Variants in TACR1 observed in about 807,000 individuals in gnomAD.
TACR1 encodes the protein tachykinin receptor 1.
A neutral mutation model predicts 35.8 loss-of-function variants in TACR1; 25 were observed. That is an observed-to-expected ratio of 0.70 (90% CI 0.51 to 0.98). The LOEUF (loss-of-function observed/expected upper bound fraction) is 0.98, where lower values mean the gene tolerates loss of function less well. Ranked by LOEUF, TACR1 falls within the 50% of genes least tolerant of loss-of-function variation. TACR1 has a pLI of 0.00. For missense variants in TACR1, 478 were observed against 522.9 expected (o/e 0.91, Z 0.84); for synonymous variants, 195 against 206.7 (o/e 0.94, Z 0.48).
chr2:75,179,542 G>C (rs1195380674), intron 1 of TACR1, among the ~76,000 whole-genome samples: 1 of 152,188 alleles, frequency 6.6e-6, no homozygotes, highest in Non-Finnish European at 1.5e-5. Context: ...AGCTTATCTT[G>C]TGGTGGTAGA....
intron 1 of TACR1, among the ~76,000 whole-genome samples, chr2:75,180,445 C>T (rs1572984649): frequency 6.6e-6 from 1 of 152,134 alleles, no homozygotes; most frequent in African/African-American, 2.4e-5. Flanking sequence ...AATATAGCTC[C>T]CCTACATTAA....
At chr2:75,143,755 G>T (rs1674454341) in intron 1 of TACR1, among the ~76,000 whole-genome samples, 1 of 152,170 alleles carries the variant, frequency 6.6e-6, no homozygotes, top group African/African-American at 2.4e-5. Context: ...ATAGTATTTG[G>T]ACCCAAGGAG....
intron 2 of TACR1, among the ~76,000 whole-genome samples, chr2:75,069,944 A>G (rs1454319288): frequency 6.7e-6 from 1 of 149,176 alleles, no homozygotes; most frequent in Non-Finnish European, 1.5e-5. Flanking sequence ...GAAGCAAGAC[A>G]CCATGTGCTG....
At chr2:75,174,461 C>T (rs984172049) in intron 1 of TACR1, among the ~76,000 whole-genome samples, 2 of 152,292 alleles carry the variant, frequency 1.3e-5, no homozygotes, top group African/African-American at 2.4e-5. Context: ...TGATGATTTA[C>T]GTCCTGGGTG....
chr2:75,189,244 C>G (rs542334843), intron 1 of TACR1: 2 of 152,294 alleles, frequency 1.3e-5, no homozygotes, highest in Non-Finnish European at 2.9e-5. Context: ...GCTCAGGTAT[C>G]GAGATGCAGC....
At chr2:75,121,757 ATATCT>A (rs1443082474) in intron 1 of TACR1, among the ~76,000 whole-genome samples, 55 of 152,212 alleles carry the variant, frequency 3.6e-4, no homozygotes, top group Admixed American at 3.1e-3. Context: ...AGAAGGAATG[ATATCT>A]TATAGGGCCT....
intron 2 of TACR1, among the ~76,000 whole-genome samples, chr2:75,116,896 G>A (rs148426482): frequency 1.1e-4 from 17 of 151,918 alleles, no homozygotes; most frequent in African/African-American, 3.9e-4. Flanking sequence ...GGAAACAAGA[G>A]TGAAACTCCG....
intron 2 of TACR1, among the ~76,000 whole-genome samples, chr2:75,079,268 C>T (rs766821931): frequency 4.6e-5 from 7 of 152,092 alleles, no homozygotes; most frequent in South Asian, 4.2e-4. Context: ...AACACATGGC[C>T]GCTGCTGTAG....
At chr2:75,138,209 C>T (rs1164653568) in intron 1 of TACR1, among the ~76,000 whole-genome samples, 3 of 152,176 alleles carry the variant, frequency 2.0e-5, no homozygotes, top group African/African-American at 7.2e-5. Context: ...GTGAGTGTTC[C>T]ATAGTGCAGA....
intron 2 of TACR1, among the ~76,000 whole-genome samples, chr2:75,101,883 G>T (rs776796897): frequency 5.9e-5 from 9 of 152,266 alleles, no homozygotes; most frequent in South Asian, 4.2e-4. Flanking sequence ...GGTGGAGGTT[G>T]CAGTGAACCG....
chr2:75,198,806 C>A lies in TACR1; in HGVS notation c.129G>T (p.Val43=). Residue 43 remains valine, a synonymous_variant, in exon 1 of 5, where the codon GTG becomes GTT. Transcript: ENST00000305249. ...CCACGTTGCCCACCACAGAGGTCAC[C>A]ACAATGACCGTGTAGGCAGCTGCCC... The part of the protein sequence containing the change: ...VLWAAAYTVI[V]VTSVVGNVVV... 6.2e-7 allele frequency: 1 copy of A among 1,614,162 alleles called. No individual in the cohort carries two copies. The highest frequency in any genetic ancestry group is 1.1e-5 in the South Asian group (1 of 91,074).
At chr2:75,119,210 A>T (rs1673918494) in intron 2 of TACR1, among the ~76,000 whole-genome samples, 1 of 152,212 alleles carries the variant, frequency 6.6e-6, no homozygotes, top group Non-Finnish European at 1.5e-5. Flanking sequence ...CTATCTGATG[A>T]ATTTGGTTCA....
chr2:75,176,697 C>T (rs1052600145), intron 1 of TACR1, among the ~76,000 whole-genome samples: 8 of 152,128 alleles, frequency 5.3e-5, no homozygotes, highest in African/African-American at 1.9e-4. Flanking sequence ...CTTGTCCTCC[C>T]TGCACCACCT....
intron 1 of TACR1, among the ~76,000 whole-genome samples, chr2:75,123,417 T>C (rs138346520): frequency 1.2e-4 from 18 of 152,308 alleles, no homozygotes; most frequent in African/African-American, 4.1e-4. Flanking sequence ...CCATTCAGAA[T>C]CTAATGTGAC....
At chr2:75,140,687 C>A (rs1674383747) in intron 1 of TACR1, among the ~76,000 whole-genome samples, 1 of 152,182 alleles carries the variant, frequency 6.6e-6, no homozygotes, top group Non-Finnish European at 1.5e-5. Context: ...GGGCATGCTG[C>A]CCAGTGGCTT....
intron 2 of TACR1, among the ~76,000 whole-genome samples, chr2:75,085,073 A>T (rs1478095646): frequency 1.3e-5 from 2 of 152,180 alleles, no homozygotes; most frequent in Admixed American, 1.3e-4. Context: ...TTAGTGCTAT[A>T]AATTTCCCTC....
intron 1 of TACR1, among the ~76,000 whole-genome samples, chr2:75,139,826 G>T (rs1674365899): frequency 6.6e-6 from 1 of 152,176 alleles, no homozygotes; most frequent in Non-Finnish European, 1.5e-5. Flanking sequence ...TCAGAAGGGG[G>T]AAAACAGTGA....
intron 2 of TACR1, among the ~76,000 whole-genome samples, chr2:75,067,210 T>G (rs1033671684): frequency 1.1e-4 from 16 of 152,174 alleles, no homozygotes; most frequent in African/African-American, 3.9e-4. Context: ...TTTTATCACT[T>G]TTGCTAATTA....
intron 1 of TACR1, among the ~76,000 whole-genome samples, chr2:75,192,899 G>A (rs1675883015): frequency 6.6e-6 from 1 of 152,050 alleles, no homozygotes. Context: ...TCCAAATGAT[G>A]GATATTAATA....
Sources: allele counts gnomAD v4.1 joint callset (sites outside exome capture counted in the v4.1 genomes callset), GRCh38; gene constraint gnomAD v4.1.1; transcripts MANE v1.5; gene names NCBI Gene and HGNC (gene_info 2026-07-23, HGNC 2026-07-21).